Variants in CTNNA3 observed in about 807,000 individuals in gnomAD.
CTNNA3 encodes catenin alpha 3.
Under a neutral mutation model 95.7 loss-of-function variants are expected in CTNNA3, and 76 were observed. That is an observed-to-expected ratio of 0.79 (90% CI 0.66 to 0.96). CTNNA3 has a LOEUF of 0.96. Among genes scored for constraint, CTNNA3 ranks in the 40% least tolerant of loss-of-function variants. The pLI is 0.00. For synonymous variants in CTNNA3, 431 were observed against 374.4 expected (o/e 1.15, Z -1.74); for missense variants, 1,191 against 1,089.8 (o/e 1.09, Z -1.31).
intron 2 of CTNNA3, among the ~76,000 whole-genome samples, chr10:67,609,044 C>T (rs1047946905): frequency 1.4e-5 from 2 of 143,768 alleles, no homozygotes; most frequent in African/African-American, 5.2e-5. Flanking sequence ...GAGCCGAAAT[C>T]ACGCCATTGC....
At chr10:67,597,377 T>A (rs1298560006) in intron 3 of CTNNA3, among the ~76,000 whole-genome samples, 2 of 152,230 alleles carry the variant, frequency 1.3e-5, no homozygotes, top group Non-Finnish European at 2.9e-5. Context: ...TTCTTTCTCA[T>A]CTGTGTGGGT....
chr10:66,774,464 G>A (rs1048453880), intron 8 of CTNNA3, among the ~76,000 whole-genome samples: 1 of 152,128 alleles, frequency 6.6e-6, no homozygotes, highest in African/African-American at 2.4e-5. Context: ...AAGTGTAAAT[G>A]GTAGAAACAG....
At chr10:66,694,162 T>C (rs1277652722) in intron 9 of CTNNA3, among the ~76,000 whole-genome samples, 1 of 152,056 alleles carries the variant, frequency 6.6e-6, no homozygotes, top group Non-Finnish European at 1.5e-5. Context: ...AAAAAATTAA[T>C]GAATCCAGGA....
intron 7 of CTNNA3, among the ~76,000 whole-genome samples, chr10:66,910,137 G>A (rs976067026): frequency 4.6e-5 from 7 of 152,120 alleles, no homozygotes; most frequent in African/African-American, 1.7e-4. Context: ...AAAAACTAAA[G>A]GAAGACTATT....
intron 13 of CTNNA3, among the ~76,000 whole-genome samples, chr10:66,136,962 C>T (rs2083388265): frequency 6.6e-6 from 1 of 152,080 alleles, no homozygotes; most frequent in South Asian, 2.1e-4. Flanking sequence ...CCTGGGATTA[C>T]AGGTGCGTGC....
At chr10:66,476,116 A>C (rs543047987) in intron 11 of CTNNA3, among the ~76,000 whole-genome samples, 1 of 152,136 alleles carries the variant, frequency 6.6e-6, no homozygotes, top group Non-Finnish European at 1.5e-5. Context: ...GCAGGAACAG[A>C]AAACCGAACA....
chr10:65,986,034 C>G (rs1013746354), intron 16 of CTNNA3, among the ~76,000 whole-genome samples: 1 of 151,346 alleles, frequency 6.6e-6, no homozygotes. Context: ...ATATTCTTAT[C>G]CCATTTGTCT....
At chr10:67,530,358 T>C (rs1179129610) in intron 4 of CTNNA3, among the ~76,000 whole-genome samples, 1 of 152,194 alleles carries the variant, frequency 6.6e-6, no homozygotes, top group Non-Finnish European at 1.5e-5. Flanking sequence ...CTGATAAGCA[T>C]ATGCGCAATA....
At chr10:67,281,745 TAATTGATATGTAATCA>T (rs1227766115) in intron 5 of CTNNA3, among the ~76,000 whole-genome samples, 2 of 152,210 alleles carry the variant, frequency 1.3e-5, no homozygotes, top group Non-Finnish European at 1.5e-5. Context: ...TAATCATGAA[TAATTGATATGTAATCA>T]ATTCACTTTA....
At chr10:66,222,186 G>A (rs977855398) in intron 13 of CTNNA3, among the ~76,000 whole-genome samples, 3 of 152,022 alleles carry the variant, frequency 2.0e-5, no homozygotes, top group Non-Finnish European at 4.4e-5. Flanking sequence ...CTCTTAGTCT[G>A]ATTTCTCTTT....
At chr10:66,433,952 T>G (rs2093317841) in intron 11 of CTNNA3, among the ~76,000 whole-genome samples, 1 of 152,204 alleles carries the variant, frequency 6.6e-6, no homozygotes, top group Non-Finnish European at 1.5e-5. Context: ...CAGATGGCTG[T>G]AGATGTGTGG....
chr10:67,652,790 T>C (rs1441028244), intron 1 of CTNNA3, among the ~76,000 whole-genome samples: 1 of 152,222 alleles, frequency 6.6e-6, no homozygotes, highest in Non-Finnish European at 1.5e-5. Flanking sequence ...GTATCATAAG[T>C]CATCTATTAA....
intron 5 of CTNNA3, among the ~76,000 whole-genome samples, chr10:67,389,928 T>C: frequency 6.6e-6 from 1 of 150,918 alleles, no homozygotes; most frequent in East Asian, 2.0e-4. Context: ...GGGAAATTTA[T>C]AGCACTAAAT....
intron 14 of CTNNA3, among the ~76,000 whole-genome samples, chr10:66,093,316 T>A (rs1285497552): frequency 6.6e-6 from 1 of 152,096 alleles, no homozygotes; most frequent in Non-Finnish European, 1.5e-5. Context: ...TAGAGCCTAG[T>A]GCACTTGACA....
chr10:66,277,687 C>T (rs188795910), intron 13 of CTNNA3, among the ~76,000 whole-genome samples: 4 of 152,006 alleles, frequency 2.6e-5, no homozygotes, highest in African/African-American at 9.6e-5. Context: ...TAGAGGTTCC[C>T]CTAGAGGCTG....
chr10:66,860,172 T>G, intron 7 of CTNNA3, among the ~76,000 whole-genome samples: 1 of 151,758 alleles, frequency 6.6e-6, no homozygotes, highest in East Asian at 1.9e-4. Flanking sequence ...ATAATAATAA[T>G]AAAATAAAAT....
chr10:67,081,674 C>T (rs914551579), intron 7 of CTNNA3, among the ~76,000 whole-genome samples: 6 of 152,158 alleles, frequency 3.9e-5, no homozygotes, highest in African/African-American at 1.4e-4. Context: ...TTGCTCCTGC[C>T]ATTTTGAGTA....
intron 9 of CTNNA3, among the ~76,000 whole-genome samples, chr10:66,643,789 C>G (rs1192182074): frequency 2.6e-5 from 4 of 152,216 alleles, no homozygotes; most frequent in Admixed American, 2.0e-4. Flanking sequence ...CATATCCCTT[C>G]TCTTCATTCT....
At chr10:67,273,675 G>A (rs913118686) in intron 5 of CTNNA3, among the ~76,000 whole-genome samples, 1 of 152,016 alleles carries the variant, frequency 6.6e-6, no homozygotes, top group African/African-American at 2.4e-5. Flanking sequence ...AAATGCCCAG[G>A]TGTCAAAAAA....
Sources: gnomAD v4.1 joint callset for allele counts (sites outside exome capture counted in the v4.1 genomes callset) on GRCh38, gnomAD v4.1.1 for gene constraint, MANE v1.5 for transcripts, NCBI Gene and HGNC (gene_info 2026-07-23, HGNC 2026-07-21) for gene names.